TSNARE1: variants seen among roughly 807,000 people sequenced by gnomAD.
TSNARE1 encodes the protein t-SNARE domain-containing protein 1.
A neutral mutation model predicts 62.0 loss-of-function variants in TSNARE1; 49 were observed. That is an observed-to-expected ratio of 0.79 (90% CI 0.63 to 1.00). TSNARE1 has a LOEUF of 1.00. TSNARE1 is among the 50% of genes least tolerant of loss of function. The pLI, the probability that TSNARE1 is intolerant of heterozygous loss-of-function variation, is 0.00. For missense variants in TSNARE1, 755 were observed against 700.1 expected (o/e 1.08, Z -0.88); for synonymous variants, 328 against 294.4 (o/e 1.11, Z -1.17).
intron 1 of TSNARE1, among the ~76,000 whole-genome samples, chr8:142,371,770 A>G (rs1194876299): frequency 6.6e-6 from 1 of 152,204 alleles, no homozygotes; most frequent in Non-Finnish European, 1.5e-5. Flanking sequence ...CAACTCTTAA[A>G]AAAAAGAGTA....
chr8:142,262,335 G>A (rs984930187), intron 12 of TSNARE1, among the ~76,000 whole-genome samples: 23 of 152,298 alleles, frequency 1.5e-4, no homozygotes, highest in Admixed American at 6.5e-4. Flanking sequence ...GTGTGTGTGT[G>A]TGTGTGTGTG....
intron 6 of TSNARE1, among the ~76,000 whole-genome samples, chr8:142,325,521 C>G (rs372187379): frequency 6.6e-6 from 1 of 152,144 alleles, no homozygotes; most frequent in African/African-American, 2.4e-5. Flanking sequence ...TGCGTGGACA[C>G]GGGGCAGCTC....
Position 142,362,039 on chromosome 8 carries a change from G to A in TSNARE1, c.-39-7276C>T, listed in dbSNP as rs958985984. ...GCGCCCCGATGGCCTGCAGCAGGAG[G>A]GCTTGCTGTCAGCAGGGCAGCTGCC... On this transcript the variant is annotated intron_variant, in intron 1 of 13. Coordinates refer to ENST00000524325, the MANE Select transcript of TSNARE1 (RefSeq NM_145003.5). 9.2e-5 allele frequency among the ~76,000 whole-genome samples: 14 copies of A among 152,248 alleles called. 1 individual carries two copies. Among genetic ancestry groups the A allele is most frequent in the Admixed American group, 9.2e-4 (14 of 15,288 alleles).
chr8:142,347,174 G>T (rs1000734086), intron 2 of TSNARE1, among the ~76,000 whole-genome samples: 1 of 152,238 alleles, frequency 6.6e-6, no homozygotes, highest in African/African-American at 2.4e-5. Context: ...GGCTCATTTC[G>T]GGGCGGAGGT....
chr8:142,270,318 C>T lies in TSNARE1; in HGVS notation c.1446+4463G>A, dbSNP rs1338129527. 5 of 985,306 alleles carry T rather than the reference C, an allele frequency of 5.1e-6. No homozygotes were observed. The African/African-American group carries it at 7.0e-5, about 14-fold the overall frequency. The allele number at this position is 985,306 out of a possible 1,614,324, so 61.0% of individuals were successfully genotyped here. On this transcript the variant is annotated intron_variant, in intron 12 of 13. Transcript: ENST00000524325. ...CGCAGGGAGGCTGAAAGCAGCGGTG[C>T]CTGCCACGCCCGAGAAGCAGGCTCC...
intron 2 of TSNARE1, among the ~76,000 whole-genome samples, chr8:142,353,680 C>T (rs973514045): frequency 6.6e-6 from 1 of 152,172 alleles, no homozygotes; most frequent in Non-Finnish European, 1.5e-5. Flanking sequence ...GAGGGCCCCT[C>T]AGCCGGCCTC....
intron 9 of TSNARE1, among the ~76,000 whole-genome samples, chr8:142,307,564 G>T (rs186301575): frequency 1.7e-4 from 26 of 152,292 alleles, no homozygotes; most frequent in African/African-American, 6.0e-4. Context: ...TGATGTAAAT[G>T]CTATGTAGTA....
At chr8:142,334,156 A>G (rs1431595664) in intron 4 of TSNARE1, among the ~76,000 whole-genome samples, 1 of 152,226 alleles carries the variant, frequency 6.6e-6, no homozygotes, top group African/African-American at 2.4e-5. Context: ...TGTTCAAATA[A>G]GGCAAATGCC....
intron 6 of TSNARE1, among the ~76,000 whole-genome samples, chr8:142,330,006 G>A (rs559354934): frequency 4.6e-5 from 7 of 152,324 alleles, no homozygotes; most frequent in East Asian, 1.9e-4. Context: ...TGGCCCTCCC[G>A]GCCTCCTCAG....
In TSNARE1 at chr8:142,258,081, C is replaced by A. The variant is rs976909255; in HGVS notation, c.1446+16700G>T. ...TGCACACACAAAACCTATGCTCATGCACACACGTACACACCTGCATGCAAC... is the reference window on the plus strand; with the variant it reads ...TGCACACACAAAACCTATGCTCATGAACACACGTACACACCTGCATGCAAC... On this transcript the variant is annotated intron_variant, in intron 12 of 13. Transcript: ENST00000524325. 7.2e-5 allele frequency among the ~76,000 whole-genome samples: 11 copies of A among 152,292 alleles called. No homozygotes were observed. In the South Asian group the frequency reaches 2.1e-3, roughly 29 times the overall value.
chr8:142,308,650 C>G (rs1304239853), intron 9 of TSNARE1, among the ~76,000 whole-genome samples: 1 of 152,224 alleles, frequency 6.6e-6, no homozygotes, highest in African/African-American at 2.4e-5. Flanking sequence ...AAACACCACA[C>G]TGTTTTCATT....
At chr8:142,277,158 C>T in intron 11 of TSNARE1, 1 of 985,320 alleles carries the variant, frequency 1.0e-6, no homozygotes. Context: ...CCCTGCAGAG[C>T]CACAGGCCCT....
intron 4 of TSNARE1, among the ~76,000 whole-genome samples, chr8:142,333,101 C>T (rs1317150634): frequency 2.0e-5 from 3 of 152,342 alleles, no homozygotes; most frequent in African/African-American, 4.8e-5. Context: ...GGAACTGGGG[C>T]AGGGCCGGAG....
chr8:142,307,231 G>A (rs1001644143), intron 9 of TSNARE1, among the ~76,000 whole-genome samples: 6 of 152,096 alleles, frequency 3.9e-5, no homozygotes, highest in South Asian at 2.1e-4. Context: ...ACCAGTGGGC[G>A]TGGTGGCCAC....
intron 1 of TSNARE1, among the ~76,000 whole-genome samples, chr8:142,362,974 C>A (rs72614030): frequency 0.061 from 9,292 of 152,238 alleles, 455 homozygotes; most frequent in East Asian, 0.26. Flanking sequence ...ACTTCCAAAT[C>A]CCTGGACGCT....
intron 6 of TSNARE1, among the ~76,000 whole-genome samples, chr8:142,324,797 G>C (rs60454716): frequency 4.6e-5 from 7 of 152,192 alleles, no homozygotes; most frequent in Admixed American, 2.0e-4. Flanking sequence ...TGACACACTC[G>C]CCCTGGAAGG....
At chr8:142,276,918 C>A in intron 11 of TSNARE1, 1 of 985,458 alleles carries the variant, frequency 1.0e-6, no homozygotes. Flanking sequence ...CCCTCAGCGC[C>A]CAGGCTGCCA....
intron 1 of TSNARE1, among the ~76,000 whole-genome samples, chr8:142,356,932 A>AC (rs1834786938): frequency 6.6e-6 from 1 of 151,898 alleles, no homozygotes; most frequent in Non-Finnish European, 1.5e-5. Context: ...CCAGGACAGG[A>AC]AGGGGGGACG....
intron 11 of TSNARE1, among the ~76,000 whole-genome samples, chr8:142,282,519 AG>A (rs1353763613): frequency 8.4e-4 from 128 of 151,570 alleles, no homozygotes; most frequent in African/African-American, 3.0e-3. Flanking sequence ...CAACGAGCAG[AG>A]GCGGGGTCAG....
Sources: gnomAD v4.1 joint callset for allele counts (sites outside exome capture counted in the v4.1 genomes callset) on GRCh38, gnomAD v4.1.1 for gene constraint, MANE v1.5 for transcripts, NCBI Gene and HGNC (gene_info 2026-07-23, HGNC 2026-07-21) for gene names.